The following UBE4B variants were observed in gnomAD, a reference collection of about 807,000 sequenced individuals.
The protein encoded by UBE4B is ubiquitination factor E4B.
A neutral mutation model predicts 148.1 loss-of-function variants in UBE4B; 27 were observed. That is an observed-to-expected ratio of 0.18 (90% CI 0.13 to 0.25). The LOEUF is 0.25. UBE4B is among the 10% of genes least tolerant of loss of function. The probability of loss-of-function intolerance (pLI) is 1.00; values close to 1 mark genes in which losing one functional copy is unlikely to be tolerated. For missense variants in UBE4B, 1,170 were observed against 1,662.4 expected, an observed-to-expected ratio of 0.70 and a Z score of 5.15; for synonymous variants, 596 against 619.3, an observed-to-expected ratio of 0.96 and a Z score of 0.56.
chr1:10,061,234 C>T (rs1307547739), intron 1 of UBE4B, among the ~76,000 whole-genome samples: 1 of 152,142 alleles, frequency 6.6e-6, no homozygotes, highest in Non-Finnish European at 1.5e-5. Context: ...CAACTGGCCA[C>T]ATTTCTGTAA....
At chr1:10,179,142 A>T (rs1646469445) in intron 26 of UBE4B, 1 of 494,458 alleles carries the variant, frequency 2.0e-6, no homozygotes, top group Non-Finnish European at 3.5e-6. Flanking sequence ...CGTCCTCGCC[A>T]CGGAGCCTGT....
At chr1:10,066,079 A>C (rs1244942031) in intron 1 of UBE4B, among the ~76,000 whole-genome samples, 47 of 102,920 alleles carry the variant, frequency 4.6e-4, no homozygotes, top group African/African-American at 1.5e-3. Context: ...CTCCCTCTCT[A>C]CCTTCGTACC....
At chr1:10,158,888 T>G (rs943827649) in intron 22 of UBE4B, among the ~76,000 whole-genome samples, 1 of 151,988 alleles carries the variant, frequency 6.6e-6, no homozygotes, top group Admixed American at 6.6e-5. Context: ...CGCACGTCTG[T>G]TATCCTAGCT....
At chr1:10,049,254 G>A (rs1427834441) in intron 1 of UBE4B, among the ~76,000 whole-genome samples, 2 of 152,158 alleles carry the variant, frequency 1.3e-5, no homozygotes, top group Admixed American at 6.5e-5. Flanking sequence ...CGAATATGAC[G>A]AAGACCTGGT....
intron 25 of UBE4B, among the ~76,000 whole-genome samples, chr1:10,176,103 G>A (rs1646425898): frequency 6.6e-6 from 1 of 152,206 alleles, no homozygotes; most frequent in African/African-American, 2.4e-5. Context: ...TATACAGTGT[G>A]TAACCTTCTA....
In UBE4B at chr1:10,178,652, C is replaced by T. The variant is rs750265310; in HGVS notation, c.3534C>T (p.Tyr1178=). ...AKAIADDQRS[Y]SKELFEEVIS... Reference sequence around the variant, plus strand: ...CCATTCCTCCTTTGCAGAGATCCTACAGTAAGGAATTGTTTGAAGAAGTTA... The same window carrying T: ...CCATTCCTCCTTTGCAGAGATCCTATAGTAAGGAATTGTTTGAAGAAGTTA... The change falls in exon 26 of 28, where the codon TAC becomes TAT. Residue 1178 remains tyrosine, a synonymous_variant. Coordinates refer to ENST00000343090, the MANE Select transcript of UBE4B (RefSeq NM_001105562.3). 8 of 1,608,708 alleles carry T rather than the reference C, an allele frequency of 5.0e-6. No individual in the cohort carries two copies. Among genetic ancestry groups the T allele is most frequent in the Non-Finnish European group, 6.8e-6 (8 of 1,178,004 alleles).
intron 25 of UBE4B, among the ~76,000 whole-genome samples, chr1:10,177,044 C>T (rs1646439033): frequency 1.3e-5 from 2 of 150,972 alleles, no homozygotes; most frequent in African/African-American, 4.9e-5. Flanking sequence ...GCCTTGGCCT[C>T]CCAAAGTGCT....
chr1:10,165,272 T>G (rs576501411), intron 23 of UBE4B, among the ~76,000 whole-genome samples: 8 of 152,282 alleles, frequency 5.3e-5, no homozygotes, highest in African/African-American at 1.7e-4. Context: ...GCTCGATGCT[T>G]TGGAGTTGCT....
intron 7 of UBE4B, among the ~76,000 whole-genome samples, chr1:10,115,641 C>G (rs1645296086): frequency 2.6e-5 from 4 of 152,150 alleles, no homozygotes; most frequent in Admixed American, 2.0e-4. Flanking sequence ...GATGTCCATA[C>G]AGACATGTGT....
chr1:10,034,587 C>A (rs1643431084), intron 1 of UBE4B, among the ~76,000 whole-genome samples: 1 of 152,164 alleles, frequency 6.6e-6, no homozygotes, highest in African/African-American at 2.4e-5. Flanking sequence ...CCTTTCAGGA[C>A]CCCTACTGGC....
At chr1:10,166,850 G>A (rs1188962357) in intron 23 of UBE4B, among the ~76,000 whole-genome samples, 3 of 151,846 alleles carry the variant, frequency 2.0e-5, no homozygotes, top group African/African-American at 7.3e-5. Context: ...GCTCGAACCC[G>A]GGAGGCAGAG....
rs72859599 is a variant in UBE4B, at chr1:10,059,950, G to A, written c.25-12078G>A. ...GTCTTTGCTAGTGCTTTGTTTACTT[G>A]TTTACTAAGACCCTGCTTGAGTAGG... On this transcript the variant is annotated intron_variant, in intron 1 of 27. Transcript: ENST00000343090. Among the ~76,000 whole-genome samples, 1,158 of 152,146 alleles carry A rather than the reference G, an allele frequency of 7.6e-3. 21 individuals are homozygous for A. Among genetic ancestry groups the A allele is most frequent in the African/African-American group, 0.027 (1,117 of 41,512 alleles).
chr1:10,180,099 C>G lies in UBE4B; in HGVS notation c.*143C>G. On this transcript the variant is annotated 3_prime_UTR_variant, in exon 28 of 28. Coordinates refer to ENST00000343090, the MANE Select transcript of UBE4B (RefSeq NM_001105562.3). Reference sequence around the variant, plus strand: ...CAGGCCCACCCAGAGCGAGCAAACGCTGAGACCTGAAAGGACATGGATGAG... The same window carrying G: ...CAGGCCCACCCAGAGCGAGCAAACGGTGAGACCTGAAAGGACATGGATGAG... 1.1e-6 allele frequency: 1 copy of G among 921,010 alleles called. No individual in the cohort carries two copies. The highest frequency in any genetic ancestry group is 1.6e-5 in the South Asian group (1 of 64,390). The allele number at this position is 921,010 out of a possible 1,614,324, so 57.1% of individuals were successfully genotyped here.
intron 25 of UBE4B, among the ~76,000 whole-genome samples, chr1:10,176,000 C>T (rs1312166877): frequency 6.6e-6 from 1 of 152,166 alleles, no homozygotes; most frequent in Non-Finnish European, 1.5e-5. Context: ...ACCCCCTTGC[C>T]CCAGCCCCTG....
At chr1:10,160,474 T>TG (rs1039979952) in intron 22 of UBE4B, among the ~76,000 whole-genome samples, 1 of 151,824 alleles carries the variant, frequency 6.6e-6, no homozygotes, top group African/African-American at 2.4e-5. Flanking sequence ...GGAAGCAGGG[T>TG]GGGGGAGTCA....
intron 7 of UBE4B, among the ~76,000 whole-genome samples, chr1:10,115,906 A>G (rs2101912272): frequency 6.6e-6 from 1 of 152,354 alleles, no homozygotes; most frequent in South Asian, 2.1e-4. Context: ...CATAGAAAAG[A>G]TACAGTAAAA....
intron 8 of UBE4B, 71 bp downstream of exon 8, chr1:10,117,671 C>G: frequency 2.7e-6 from 4 of 1,464,746 alleles, no homozygotes; most frequent in Non-Finnish European, 3.6e-6. Flanking sequence ...ACCCCTGGAG[C>G]ATTCATTGAT....
intron 1 of UBE4B, among the ~76,000 whole-genome samples, chr1:10,037,139 T>C (rs907608588): frequency 7.2e-5 from 11 of 151,964 alleles, no homozygotes; most frequent in African/African-American, 1.9e-4. Context: ...GCGATTTTCC[T>C]GCGTCAGCCT....
intron 22 of UBE4B, 37 bp downstream of exon 22, chr1:10,158,519 T>C: frequency 6.2e-7 from 1 of 1,601,850 alleles, no homozygotes; most frequent in Non-Finnish European, 8.5e-7. Context: ...ACTTGCTTTC[T>C]TGCAAATCGC....
Sources: allele counts gnomAD v4.1 joint callset (sites outside exome capture counted in the v4.1 genomes callset), GRCh38; gene constraint gnomAD v4.1.1; transcripts MANE v1.5; gene names NCBI Gene and HGNC (gene_info 2026-07-23, HGNC 2026-07-21).